Variants in PDS5B observed in about 807,000 individuals in gnomAD.
PDS5B encodes the protein sister chromatid cohesion protein PDS5 homolog B.
PDS5B carries 51 observed loss-of-function variants against 184.1 expected under a neutral mutation model. The observed-to-expected ratio is 0.28, with a 90% CI of 0.22 to 0.35. The LOEUF is 0.35. PDS5B is among the 10% of genes least tolerant of loss of function. The pLI is 1.00. For synonymous variants in PDS5B, 566 were observed against 569.2 expected (o/e 0.99, Z 0.08); for missense variants, 1,180 against 1,723.3 (o/e 0.68, Z 5.58).
chr13:32,691,155 C>T (rs1951537580), intron 13 of PDS5B: 2 of 151,904 alleles, frequency 1.3e-5, no homozygotes, highest in African/African-American at 4.8e-5. Context: ...TTCTTGTTTC[C>T]TTTAAAAATT....
chr13:32,635,673 C>T (rs1417680377), intron 1 of PDS5B, among the ~76,000 whole-genome samples: 1 of 150,912 alleles, frequency 6.6e-6, no homozygotes, highest in Non-Finnish European at 1.5e-5. Context: ...TTGTAGTCGC[C>T]TAATTAAGCT....
chr13:32,603,556 G>T (rs9591159), intron 1 of PDS5B, among the ~76,000 whole-genome samples: 51,428 of 151,964 alleles, frequency 0.34, 8,942 homozygotes, highest in Non-Finnish European at 0.38. Flanking sequence ...TTCTTTTGGC[G>T]TAGGATTGTC....
At chr13:32,617,116 A>G (rs1445424843) in intron 1 of PDS5B, among the ~76,000 whole-genome samples, 1 of 152,164 alleles carries the variant, frequency 6.6e-6, no homozygotes, top group Non-Finnish European at 1.5e-5. Context: ...TCTCATCCAA[A>G]ATTCTGAGCT....
chr13:32,756,894 G>A (rs765799282), intron 26 of PDS5B, among the ~76,000 whole-genome samples: 5 of 151,956 alleles, frequency 3.3e-5, no homozygotes, highest in Admixed American at 1.3e-4. Context: ...AGGCTGAGGC[G>A]GGTGGCTCAC....
In PDS5B at chr13:32,773,174, T is replaced by C. The variant is rs200504178; in HGVS notation, c.4173-15T>C. 4.4e-6 allele frequency: 7 copies of C among 1,581,000 alleles called. No individual in the cohort carries two copies. The East Asian group carries it at 9.0e-5, about 20-fold the overall frequency. On this transcript the variant is annotated splice_polypyrimidine_tract_variant and intron_variant, in intron 33 of 34. Coordinates refer to ENST00000315596, the MANE Select transcript of PDS5B (RefSeq NM_015032.4). Reference sequence around the variant, plus strand: ...ATTGGAACGTTCATTGTGTTTTACATGTGTTTTACTCTAGCCGTGTAGGAC... The same window carrying C: ...ATTGGAACGTTCATTGTGTTTTACACGTGTTTTACTCTAGCCGTGTAGGAC...
chr13:32,675,020 TAAAG>T (rs780843215), intron 8 of PDS5B, among the ~76,000 whole-genome samples: 1 of 151,570 alleles, frequency 6.6e-6, no homozygotes, highest in East Asian at 1.9e-4. Context: ...CTTAGACGAA[TAAAG>T]AAAGAAATAA....
chr13:32,742,721 A>C lies in PDS5B; in HGVS notation c.2606A>C (p.Lys869Thr), dbSNP rs1049519878. ...GATGGAGACTTGACAGAACAGGGGAAAATTAGGTATGCAATTACTATTTCA... is the reference window on the plus strand; with the variant it reads ...GATGGAGACTTGACAGAACAGGGGACAATTAGGTATGCAATTACTATTTCA... ...HSDGDLTEQG[K>T]ISKPDMSRLR... is the part of the protein sequence containing the mutation. The change falls in exon 23 of 35, where the codon AAA becomes ACA. Residue 869 changes from lysine to threonine, a missense_variant. This residue lies in a region of PDS5B where 475 missense variants were observed against 691.5 expected (regional missense o/e 0.69). Transcript: ENST00000315596. 2 of 1,611,684 alleles carry C rather than the reference A, an allele frequency of 1.2e-6. No individual in the cohort carries two copies. The highest frequency in any genetic ancestry group is 1.3e-5 in the African/African-American group (1 of 74,958).
intron 19 of PDS5B, among the ~76,000 whole-genome samples, chr13:32,717,687 T>TA (rs1293060097): frequency 1.4e-3 from 84 of 58,698 alleles, no homozygotes; most frequent in East Asian, 3.9e-3. Context: ...GAATGATCAA[T>TA]AAAAAAAAAA....
chr13:32,722,584 C>T (rs886330188), intron 19 of PDS5B, among the ~76,000 whole-genome samples: 1 of 152,166 alleles, frequency 6.6e-6, no homozygotes, highest in East Asian at 1.9e-4. Flanking sequence ...ATGATGTTCT[C>T]ACAACAATGA....
chr13:32,652,004 A>G lies in PDS5B; in HGVS notation c.309A>G (p.Leu103=), dbSNP rs1193050548. ...PEAPYTSPDK[L]KDIFMFITRQ... ...CTCCTTACACATCCCCTGATAAACT[A>G]AAGGCAAGTACTGATTTAAATAACT... Residue 103 remains leucine, a synonymous_variant, in exon 3 of 35, where the codon CTA becomes CTG. Transcript: ENST00000315596. 4 of 1,598,192 alleles carry G rather than the reference A, an allele frequency of 2.5e-6. No individual in the cohort carries two copies. Among genetic ancestry groups the G allele is most frequent in the Non-Finnish European group, 3.4e-6 (4 of 1,165,578 alleles).
intron 19 of PDS5B, among the ~76,000 whole-genome samples, chr13:32,718,941 G>A (rs1952573665): frequency 1.3e-5 from 2 of 152,186 alleles, no homozygotes; most frequent in African/African-American, 4.8e-5. Flanking sequence ...ACGTTACCTA[G>A]TAAATAATTA....
intron 1 of PDS5B, among the ~76,000 whole-genome samples, chr13:32,592,957 G>A (rs1566229198): frequency 6.6e-6 from 1 of 152,038 alleles, no homozygotes; most frequent in Non-Finnish European, 1.5e-5. Context: ...TTTAAAAGCA[G>A]CTTTATTGAG....
In PDS5B at chr13:32,681,229, C is replaced by T. The variant is rs566041550; in HGVS notation, c.1057+2300C>T. 3.3e-5 allele frequency among the ~76,000 whole-genome samples: 5 copies of T among 152,200 alleles called. 1 individual carries two copies. The South Asian group carries it at 1.0e-3, about 32-fold the overall frequency. On this transcript the variant is annotated intron_variant, in intron 10 of 34. Transcript: ENST00000315596. ...TTCTATAGAAGATTCTTTCTTTCTCCCCTAGCTGAAATATGATGGCAGGTT... is the reference window on the plus strand; with the variant it reads ...TTCTATAGAAGATTCTTTCTTTCTCTCCTAGCTGAAATATGATGGCAGGTT...
chr13:32,603,347 T>C (rs958261128), intron 1 of PDS5B, among the ~76,000 whole-genome samples: 2 of 152,224 alleles, frequency 1.3e-5, no homozygotes, highest in Non-Finnish European at 2.9e-5. Flanking sequence ...ATTTATTAAA[T>C]AGGGATTCCT....
chr13:32,755,172 G>T lies in PDS5B; in HGVS notation c.2942-670G>T, dbSNP rs557881709. Among the ~76,000 whole-genome samples the T allele has an allele frequency of 2.0e-5, 3 of 152,180 alleles. 1 individual carries two copies. In the South Asian group the frequency reaches 6.2e-4, roughly 32 times the overall value. On this transcript the variant is annotated intron_variant, in intron 25 of 34. Transcript: ENST00000315596. ...TATTTGGCAAATAGGAAATATAAAT[G>T]GAAATTGTCCAGAATATGAGTCCCA...
rs779099544 is a variant in PDS5B at position 32,770,576 on chromosome 13, T to G, written c.4064+16T>G. The G allele has an allele frequency of 3.4e-5, 55 of 1,602,160 alleles. No homozygotes were observed. The highest frequency in any genetic ancestry group is 4.6e-5 in the Non-Finnish European group (54 of 1,176,152). On this transcript the variant is annotated intron_variant, in intron 32 of 34. Transcript: ENST00000315596. ...CACAGCAGAGGTAAGCATGTGTAACTCTAAACTGCATCTGTTTCGTTACTA... is the reference window on the plus strand; with the variant it reads ...CACAGCAGAGGTAAGCATGTGTAACGCTAAACTGCATCTGTTTCGTTACTA...
At chr13:32,764,468 T>C in intron 30 of PDS5B, 21 bp from the exon 31 acceptor site, 1 of 1,391,184 alleles carries the variant, frequency 7.2e-7, no homozygotes, top group South Asian at 1.3e-5. Flanking sequence ...TAATAACAAT[T>C]ACAAATGTCT....
chr13:32,710,844 A>G (rs1050528073), intron 19 of PDS5B, among the ~76,000 whole-genome samples: 6 of 152,198 alleles, frequency 3.9e-5, no homozygotes, highest in Admixed American at 6.5e-5. Flanking sequence ...AGAATTGCCT[A>G]TGGGTCTTTT....
chr13:32,689,625 T>C (rs1320102792), intron 13 of PDS5B: 1 of 152,182 alleles, frequency 6.6e-6, no homozygotes, highest in Admixed American at 6.5e-5. Context: ...AAATGTTAAG[T>C]TCCACAGAAT....
Sources: gnomAD v4.1 joint callset for allele counts (sites outside exome capture counted in the v4.1 genomes callset) on GRCh38, gnomAD v4.1.1 for gene constraint, gnomAD v4.1.1 regional missense constraint, MANE v1.5 for transcripts, NCBI Gene and HGNC (gene_info 2026-07-23, HGNC 2026-07-21) for gene names.